Variants in VDR observed in about 807,000 individuals in gnomAD.
The protein encoded by VDR is vitamin D3 receptor.
A neutral mutation model predicts 39.7 loss-of-function variants in VDR; 19 were observed. The observed-to-expected ratio is 0.48, with a 90% CI of 0.33 to 0.70. The LOEUF is 0.70. Among genes scored for constraint, VDR ranks in the 30% least tolerant of loss-of-function variants. The probability of loss-of-function intolerance (pLI) is 0.02; values close to 1 mark genes in which losing one functional copy is unlikely to be tolerated. For synonymous variants in VDR, 242 were observed against 215.8 expected (o/e 1.12, Z -1.07); for missense variants, 442 against 570.5 (o/e 0.77, Z 2.29).
intron 1 of VDR, among the ~76,000 whole-genome samples, chr12:47,884,208 G>C (rs1946213384): frequency 6.6e-6 from 1 of 152,162 alleles, no homozygotes; most frequent in Non-Finnish European, 1.5e-5. Context: ...GGTTTTCAGA[G>C]GTCAGAGGTG....
intron 3 of VDR, 21 bp downstream of exon 3, chr12:47,878,947 G>A: frequency 6.2e-7 from 1 of 1,614,150 alleles, no homozygotes; most frequent in Non-Finnish European, 8.5e-7. Flanking sequence ...CCACTGGGGA[G>A]AGCCTGGGAG....
chr12:47,851,337 G>A (rs1945384009), intron 7 of VDR, among the ~76,000 whole-genome samples: 1 of 152,076 alleles, frequency 6.6e-6, no homozygotes. Context: ...TGTGGGGTGA[G>A]ACTGAGAGGC....
At chr12:47,891,732 C>T (rs1482596899) in intron 1 of VDR, among the ~76,000 whole-genome samples, 4 of 152,220 alleles carry the variant, frequency 2.6e-5, no homozygotes, top group African/African-American at 9.7e-5. Context: ...AGCCATCATC[C>T]TTCCTGTCCC....
At chr12:47,890,522 A>G (rs1946350800) in intron 1 of VDR, among the ~76,000 whole-genome samples, 1 of 152,058 alleles carries the variant, frequency 6.6e-6, no homozygotes. Context: ...TGGAATGACT[A>G]GAGCCCCAAG....
intron 3 of VDR, among the ~76,000 whole-genome samples, chr12:47,874,718 A>T (rs1173691054): frequency 6.6e-6 from 1 of 151,948 alleles, no homozygotes; most frequent in Non-Finnish European, 1.5e-5. Flanking sequence ...CAGCTCTTAA[A>T]CCTCACCATC....
In VDR at chr12:47,850,107, C is replaced by T. The variant is rs531662853; in HGVS notation, c.756-3299G>A. On this transcript the variant is annotated intron_variant, in intron 7 of 9. Transcript: ENST00000549336. Reference sequence around the variant, plus strand: ...TCAAGTGAGTCCTGCCCACCTTGGCCTCCCAAAGTTCTGGGATTATAGGTG... The same window carrying T: ...TCAAGTGAGTCCTGCCCACCTTGGCTTCCCAAAGTTCTGGGATTATAGGTG... 1.1e-4 allele frequency among the ~76,000 whole-genome samples: 16 copies of T among 152,336 alleles called. 1 individual carries two copies. The East Asian group carries it at 3.1e-3, about 29-fold the overall frequency.
chr12:47,864,852 C>T lies in VDR; in HGVS notation c.277+195G>A, dbSNP rs11574066. Among the ~76,000 whole-genome samples, 838 of 152,322 alleles carry T rather than the reference C, an allele frequency of 5.5e-3. 10 individuals carry two copies. Among genetic ancestry groups the T allele is most frequent in the African/African-American group, 0.019 (787 of 41,564 alleles). On this transcript the variant is annotated intron_variant, in intron 4 of 9. Coordinates refer to ENST00000549336, the MANE Select transcript of VDR (RefSeq NM_000376.3). The stretch of plus-strand genomic sequence containing the variant: ...CAGATCCTCAAGAGGTGCACAGGGC[C>T]GCTGAGTGCATCTGACCCTGGACTT...
At position 47,846,438 on chromosome 12, in the gene VDR, C is replaced by G. The variant is rs369141391; in HGVS notation, c.921G>C (p.Leu307=). 10 of 1,566,466 alleles carry G rather than the reference C, an allele frequency of 6.4e-6. No individual in the cohort carries two copies. Among genetic ancestry groups the G allele is most frequent in the Non-Finnish European group, 8.7e-6 (10 of 1,155,452 alleles). The change falls in exon 9 of 10, where the codon CTG becomes CTC. Residue 307 remains leucine, a synonymous_variant. Coordinates refer to ENST00000549336, the MANE Select transcript of VDR (RefSeq NM_000376.3). ...VSDVTKAGHS[L]ELIEPLIKFQ... The stretch of plus-strand genomic sequence containing the variant: ...ACTTGATGAGGGGCTCAATCAGCTC[C>G]AGGCTGTGTCCGGCTGTGAGAGACA...
chr12:47,889,272 T>A (rs1390147602), intron 1 of VDR, among the ~76,000 whole-genome samples: 1 of 152,124 alleles, frequency 6.6e-6, no homozygotes, highest in Admixed American at 6.5e-5. Flanking sequence ...CCCAATCGCC[T>A]GCCTGAGCAG....
Position 47,879,163 on chromosome 12 carries a change from G to A in VDR, c.-2-48C>T, listed in dbSNP as rs764297575. 92 of 1,594,128 alleles carry A rather than the reference G, an allele frequency of 5.8e-5. No homozygotes were observed. The Middle Eastern group carries it at 6.0e-4, about 10-fold the overall frequency. On this transcript the variant is annotated intron_variant, in intron 2 of 9. Coordinates refer to ENST00000549336, the MANE Select transcript of VDR (RefSeq NM_000376.3). ...ACGGTCAGAGCCAGAGTCAGTGCCAGGGCCAGCTGGCATCCTTGGTGCCAC... is the reference window on the plus strand; with the variant it reads ...ACGGTCAGAGCCAGAGTCAGTGCCAAGGCCAGCTGGCATCCTTGGTGCCAC...
chr12:47,859,923 T>TTC (rs1555151337), intron 4 of VDR, among the ~76,000 whole-genome samples: 4,588 of 47,260 alleles, frequency 0.097, 358 homozygotes, highest in African/African-American at 0.16. Context: ...CCTTCTTTCT[T>TTC]TTTCTTTCTT....
At chr12:47,873,351 CTTTTTTTTTTTTTTTTTTT>C (rs71077177) in intron 3 of VDR, among the ~76,000 whole-genome samples, 1 of 98,424 alleles carries the variant, frequency 1.0e-5, no homozygotes, top group Non-Finnish European at 2.0e-5. Flanking sequence ...AACCTGTTTT[CTTTTTTTTTTTTTTTTTTT>C]TTTTTTTTTT....
rs578013785 is a variant in VDR, at chr12:47,844,935, C to T, written c.1095G>A (p.Thr365=). ...GGGGCGGGTGGCGGCAGCGGATGTACGTCTGCAGTGTGTTGGACAGGCGGT... is the reference window on the plus strand; with the variant it reads ...GGGGCGGGTGGCGGCAGCGGATGTATGTCTGCAGTGTGTTGGACAGGCGGT... ...IQDRLSNTLQ[T]YIRCRHPPPG... is the part of the protein sequence containing the mutation. The change falls in exon 10 of 10, where the codon ACG becomes ACA. Residue 365 remains threonine, a synonymous_variant. Transcript: ENST00000549336. The T allele has an allele frequency of 4.6e-5, 74 of 1,614,068 alleles. No homozygotes were observed. Among genetic ancestry groups the T allele is most frequent in the Non-Finnish European group, 5.6e-5 (66 of 1,179,996 alleles).
At position 47,842,823 on chromosome 12, in the gene VDR, CCT is replaced by C. The variant is rs1350155805; in HGVS notation, c.*1921_*1922del. The C allele has an allele frequency of 6.6e-6, 1 of 152,056 alleles. No individual in the cohort carries two copies. Among genetic ancestry groups the C allele is most frequent in the Admixed American group, 6.5e-5 (1 of 15,270 alleles). 9.4% of individuals were successfully genotyped at this position (152,056 alleles called of 1,614,324 possible). A position where few individuals can be genotyped will look rare whatever the true frequency, so the allele number is the denominator to read the frequency against. ...TATATGCTTGGGTGAGTCACGCCCT[CCT>C]CTGTCAGTTTTCCTGAATGAGGGGA... is the stretch of plus-strand genomic sequence containing the variant. On this transcript the variant is annotated 3_prime_UTR_variant, in exon 10 of 10. Transcript: ENST00000549336.
In VDR at chr12:47,844,667, T is replaced by C; in HGVS notation, c.*79A>G. 1 of 1,596,680 alleles carries C rather than the reference T, an allele frequency of 6.3e-7. No individual in the cohort carries two copies. The stretch of plus-strand genomic sequence containing the variant: ...CCCCAGACGGGGTGAGGAGGGCTGC[T>C]GAGTAGCCGCCAGCCCCGGGCCTGG... On this transcript the variant is annotated 3_prime_UTR_variant, in exon 10 of 10. Transcript: ENST00000549336.
intron 3 of VDR, 110 bp downstream of exon 3, chr12:47,878,858 A>G (rs1460749778): frequency 1.9e-6 from 3 of 1,568,802 alleles, no homozygotes; most frequent in African/African-American, 2.7e-5. Context: ...CGCATGTTCC[A>G]TGGACATTGT....
Position 47,843,069 on chromosome 12 carries a change from C to A in VDR, c.*1677G>T, listed in dbSNP as rs1280619357. The A allele has an allele frequency of 6.6e-6, 1 of 152,114 alleles. No homozygotes were observed. The highest frequency in any genetic ancestry group is 1.5e-5 in the Non-Finnish European group (1 of 68,032). 9.4% of individuals were successfully genotyped at this position (152,114 alleles called of 1,614,324 possible). A position where few individuals can be genotyped will look rare whatever the true frequency, so the allele number is the denominator to read the frequency against. ...CTACCCTGTATATTAGACTATAATA[C>A]AAATGGAGTCTGAGTCTGAAAACAA... On this transcript the variant is annotated 3_prime_UTR_variant, in exon 10 of 10. Transcript: ENST00000549336.
At chr12:47,854,248 A>G (rs2137138805) in intron 7 of VDR, among the ~76,000 whole-genome samples, 1 of 151,906 alleles carries the variant, frequency 6.6e-6, no homozygotes, top group East Asian at 1.9e-4. Flanking sequence ...CAGCCTCCCT[A>G]GTAGGTGGGA....
At chr12:47,882,624 C>CT in intron 2 of VDR, 70 bp downstream of exon 2, 3 of 422,404 alleles carry the variant, frequency 7.1e-6, no homozygotes, top group Non-Finnish European at 8.6e-6. Context: ...CCTTCTTATG[C>CT]CCCTCCCCCC....
Sources: allele counts gnomAD v4.1 joint callset (sites outside exome capture counted in the v4.1 genomes callset), GRCh38; gene constraint gnomAD v4.1.1; transcripts MANE v1.5; gene names NCBI Gene and HGNC (gene_info 2026-07-23, HGNC 2026-07-21).